Variants in SMG1 observed in about 807,000 individuals in gnomAD.
SMG1 encodes the protein serine/threonine-protein kinase SMG1.
SMG1 carries 22 observed loss-of-function variants against 419.9 expected under a neutral mutation model. That is an observed-to-expected ratio of 0.05 (90% CI 0.04 to 0.07). The LOEUF (loss-of-function observed/expected upper bound fraction) is 0.07, where lower values mean the gene tolerates loss of function less well. Ranked by LOEUF, SMG1 falls within the 10% of genes least tolerant of loss-of-function variation. The probability of loss-of-function intolerance (pLI) is 1.00; values close to 1 mark genes in which losing one functional copy is unlikely to be tolerated. For synonymous variants in SMG1, 1,538 were observed against 1,553.5 expected (o/e 0.99, Z 0.23); for missense variants, 3,185 against 4,342.0 (o/e 0.73, Z 7.49).
At chr16:18,911,912 C>G (rs1432224802) in intron 1 of SMG1, among the ~76,000 whole-genome samples, 1 of 151,948 alleles carries the variant, frequency 6.6e-6, no homozygotes, top group Non-Finnish European at 1.5e-5. Context: ...TGAAACCCGT[C>G]TCTACTAAAA....
chr16:18,819,764 T>A (rs1430387729), intron 55 of SMG1, 110 bp from the exon 56 acceptor site: 3 of 1,127,930 alleles, frequency 2.7e-6, no homozygotes, highest in Non-Finnish European at 2.4e-6. Context: ...GGTGGACACA[T>A]GTAATTTAGA....
chr16:18,860,631 C>T lies in SMG1; in HGVS notation c.3805+36G>A, dbSNP rs200998294. 558 of 872,320 alleles carry T rather than the reference C, an allele frequency of 6.4e-4. 1 individual carries two copies. The highest frequency in any genetic ancestry group is 7.6e-4 in the Non-Finnish European group (414 of 546,034). 54.0% of individuals were successfully genotyped at this position (872,320 alleles called of 1,614,324 possible). On this transcript the variant is annotated intron_variant, in intron 26 of 62. Coordinates refer to ENST00000446231, the MANE Select transcript of SMG1 (RefSeq NM_015092.5). ...AAGCCAAACATTTTGAGCAACTTGT[C>T]CACTAAAATAACTTTAAAACTATTT...
intron 55 of SMG1, among the ~76,000 whole-genome samples, chr16:18,827,686 A>T (rs1028145407): frequency 1.4e-5 from 2 of 144,008 alleles, no homozygotes; most frequent in Non-Finnish European, 3.0e-5. Flanking sequence ...TTTGGTATAA[A>T]TATATCTAAA....
In SMG1 at chr16:18,870,704, C is replaced by T. The variant is rs2141594873; in HGVS notation, c.2398G>A (p.Asp800Asn). 1.9e-6 allele frequency: 3 copies of T among 1,607,422 alleles called. No homozygotes were observed. Among genetic ancestry groups the T allele is most frequent in the South Asian group, 1.1e-5 (1 of 90,210 alleles). The change falls in exon 18 of 63, where the codon GAT becomes AAT. Residue 800 changes from aspartate to asparagine, a missense_variant. Asp to Asn is a conservative substitution (Grantham distance 23). Coordinates refer to ENST00000446231, the MANE Select transcript of SMG1 (RefSeq NM_015092.5). Reference sequence around the variant, plus strand: ...TGCACTAGTTGAACACGGCAAACATCGACACATCTATGAAAGAACGAAATA... The same window carrying T: ...TGCACTAGTTGAACACGGCAAACATTGACACATCTATGAAAGAACGAAATA... The part of the protein sequence containing the change: ...LPDDLLQRCV[D>N]VCRVQLVHSG...
intron 1 of SMG1, chr16:18,911,679 G>A (rs1596651290): frequency 6.6e-6 from 1 of 152,056 alleles, no homozygotes; most frequent in Non-Finnish European, 1.5e-5. Context: ...GACACAGCTG[G>A]TAGTGCCAAT....
intron 29 of SMG1, among the ~76,000 whole-genome samples, chr16:18,855,984 C>G (rs1021739588): frequency 1.3e-5 from 2 of 152,208 alleles, no homozygotes; most frequent in African/African-American, 2.4e-5. Context: ...TCTTCCTACT[C>G]TCTCTTAGGT....
intron 29 of SMG1, chr16:18,857,781 T>A (rs541752842): frequency 5.0e-5 from 8 of 160,228 alleles, no homozygotes; most frequent in African/African-American, 9.6e-5. Flanking sequence ...ACAATAGAAC[T>A]CTACTCAATA....
At chr16:18,866,991 T>G (rs944759183) in intron 22 of SMG1, among the ~76,000 whole-genome samples, 2 of 152,156 alleles carry the variant, frequency 1.3e-5, no homozygotes, top group Admixed American at 6.5e-5. Context: ...CATGGATGTT[T>G]GCACCCCCAC....
chr16:18,916,599 T>C (rs1178757988), intron 1 of SMG1, among the ~76,000 whole-genome samples: 2 of 148,876 alleles, frequency 1.3e-5, no homozygotes, highest in Non-Finnish European at 3.0e-5. Flanking sequence ...TAGTAAGTTA[T>C]ACTCTACATT....
In SMG1 at chr16:18,838,437, G is replaced by A; in HGVS notation, c.7114C>T (p.Pro2372Ser). Reference protein sequence around the residue: ...GKSLRVPEKVPFRMTQNIETA... With the variant: ...GKSLRVPEKVSFRMTQNIETA... ...TCAATGTTTTGTGTCATTCGAAAAG[G>A]TACTTTCTCAGGAACTCTAAGGCTT... The change falls in exon 44 of 63, where the codon CCT becomes TCT. Residue 2372 changes from proline (P) to serine (S), a missense_variant. Pro to Ser is a moderately conservative substitution (Grantham distance 74, BLOSUM62 -1). Transcript: ENST00000446231. 1 of 1,613,954 alleles carries A rather than the reference G, an allele frequency of 6.2e-7. No individual in the cohort carries two copies. The highest frequency in any genetic ancestry group is 1.1e-5 in the South Asian group (1 of 91,078).
At chr16:18,872,879 T>G (rs1176417238) in intron 13 of SMG1, among the ~76,000 whole-genome samples, 2 of 152,068 alleles carry the variant, frequency 1.3e-5, no homozygotes, top group Non-Finnish European at 2.9e-5. Context: ...ACAGGTCAGG[T>G]GTTGTGGCTC....
At position 18,841,604 on chromosome 16, in the gene SMG1, T is replaced by C; in HGVS notation, c.6657A>G (p.Lys2219=). The C allele has an allele frequency of 1.2e-6, 2 of 1,613,936 alleles. No individual in the cohort carries two copies. The highest frequency in any genetic ancestry group is 1.7e-6 in the Non-Finnish European group (2 of 1,179,868). The change falls in exon 41 of 63, where the codon AAA becomes AAG. Residue 2219 remains lysine, a synonymous_variant. Transcript: ENST00000446231. ...AGGCAGCTTCCCGTTGTTGCCATCGTTTGTAAAGACCAAATAAGGGTGTGG... is the reference window on the plus strand; with the variant it reads ...AGGCAGCTTCCCGTTGTTGCCATCGCTTGTAAAGACCAAATAAGGGTGTGG... ...DGATPLFGLY[K]RWQQREAALQ...
Position 18,834,475 on chromosome 16 carries a change from T to A in SMG1, c.8331-37A>T, listed in dbSNP as rs1339834601. 2.5e-6 allele frequency: 4 copies of A among 1,577,432 alleles called. No homozygotes were observed. In the South Asian group the frequency reaches 4.6e-5, roughly 18 times the overall value. ...AAATATCTGTACAGTGAAACTTAAA[T>A]GTATAAACAAAACAAGGTAACTGGC... On this transcript the variant is annotated intron_variant, in intron 49 of 62. Coordinates refer to ENST00000446231, the MANE Select transcript of SMG1 (RefSeq NM_015092.5).
chr16:18,861,822 T>G (rs1289900776), intron 25 of SMG1, among the ~76,000 whole-genome samples: 2 of 152,182 alleles, frequency 1.3e-5, no homozygotes, highest in Admixed American at 1.3e-4. Flanking sequence ...AGGCTTTAAT[T>G]TCCTCTACCC....
chr16:18,875,643 C>A, intron 13 of SMG1: 1 of 156,264 alleles, frequency 6.4e-6, no homozygotes, highest in Non-Finnish European at 1.4e-5. Context: ...CACTTCCAGT[C>A]CCAAGTATTT....
chr16:18,887,592 G>A (rs1419875860), intron 6 of SMG1, among the ~76,000 whole-genome samples: 1 of 117,892 alleles, frequency 8.5e-6, no homozygotes, highest in Non-Finnish European at 1.6e-5. Flanking sequence ...GGACTCAGGC[G>A]ATTCACCAGC....
chr16:18,925,108 G>A (rs2038340899), intron 1 of SMG1: 1 of 152,136 alleles, frequency 6.6e-6, no homozygotes, highest in Non-Finnish European at 1.5e-5. Flanking sequence ...AGAGAGATTA[G>A]AATAAATCAG....
At position 18,841,751 on chromosome 16, in the gene SMG1, T is replaced by C. The variant is rs904263047; in HGVS notation, c.6510A>G (p.Leu2170=). ...LHLDERIMQF[L]SIVNTMFATI... ...TAGCAAACATGGTATTCACAATAGA[T>C]AGGAACTGCATTATTCTCTCATCCA... Residue 2170 remains leucine (L), a synonymous_variant, in exon 41 of 63, where the codon CTA becomes CTG. Transcript: ENST00000446231. 9 of 1,613,998 alleles carry C rather than the reference T, an allele frequency of 5.6e-6. No homozygotes were observed. Among genetic ancestry groups the C allele is most frequent in the African/African-American group, 5.3e-5 (4 of 75,040 alleles).
chr16:18,901,761 G>A (rs547669592), intron 1 of SMG1, among the ~76,000 whole-genome samples: 31 of 152,148 alleles, frequency 2.0e-4, no homozygotes, highest in African/African-American at 7.5e-4. Context: ...GATCGCTTGA[G>A]GTCAGGATTT....
Sources: gnomAD v4.1 joint callset for allele counts (sites outside exome capture counted in the v4.1 genomes callset) on GRCh38, gnomAD v4.1.1 for gene constraint, MANE v1.5 for transcripts, NCBI Gene and HGNC (gene_info 2026-07-23, HGNC 2026-07-21) for gene names.